ESRP1: variants seen among roughly 807,000 people sequenced by gnomAD.
The protein encoded by ESRP1 is RNA-binding motif protein 35A.
A neutral mutation model predicts 81.7 loss-of-function variants in ESRP1; 33 were observed. The ratio of observed to expected loss-of-function variants is 0.40; its 90% confidence interval spans 0.31 to 0.54. The LOEUF (loss-of-function observed/expected upper bound fraction) is 0.54. ESRP1 is among the 20% of genes least tolerant of loss of function. ESRP1 has a pLI of 0.41. For missense variants in ESRP1, 672 were observed against 833.1 expected (o/e 0.81, Z 2.38); for synonymous variants, 320 against 303.3 (o/e 1.06, Z -0.57).
In ESRP1 at chr8:94,641,742, C is replaced by A. The variant is rs1817604064; in HGVS notation, c.133-214C>A. Reference sequence around the variant, plus strand: ...GAGACGAGGTGGGGTCTCGGAGGCCCCGGGGTCCACTTCCAGGGCTTTTCC... The same window carrying A: ...GAGACGAGGTGGGGTCTCGGAGGCCACGGGGTCCACTTCCAGGGCTTTTCC... On this transcript the variant is annotated intron_variant, in intron 1 of 15. Coordinates refer to ENST00000433389, the MANE Select transcript of ESRP1 (RefSeq NM_017697.4). The A allele has an allele frequency of 3.5e-5, 27 of 769,308 alleles. No individual in the cohort carries two copies. The South Asian group carries it at 6.0e-4, about 17-fold the overall frequency. 47.7% of individuals were successfully genotyped at this position (769,308 alleles called of 1,614,324 possible).
intron 4 of ESRP1, among the ~76,000 whole-genome samples, chr8:94,650,380 AC>A (rs1333827560): frequency 6.6e-6 from 1 of 152,004 alleles, no homozygotes; most frequent in Non-Finnish European, 1.5e-5. Context: ...CCTGACAACC[AC>A]CAATCTTTAC....
chr8:94,662,233 T>C, intron 4 of ESRP1, 39 bp from the exon 5 acceptor site: 2 of 1,324,162 alleles, frequency 1.5e-6, no homozygotes, highest in East Asian at 4.9e-5. Flanking sequence ...GTAACCTGAT[T>C]TTACCTTTCC....
At chr8:94,695,348 C>CTTTTT (rs1177357708) in intron 14 of ESRP1, among the ~76,000 whole-genome samples, 2,920 of 61,142 alleles carry the variant, frequency 0.048, 50 homozygotes, top group Non-Finnish European at 0.061. Flanking sequence ...CTTTTTCTTT[C>CTTTTT]TTTTTTTTTT....
chr8:94,665,447 T>G (rs1818970805), intron 9 of ESRP1, among the ~76,000 whole-genome samples: 1 of 152,022 alleles, frequency 6.6e-6, no homozygotes, highest in Non-Finnish European at 1.5e-5. Flanking sequence ...TATACAAAGG[T>G]GAAAAGGTGA....
intron 14 of ESRP1, among the ~76,000 whole-genome samples, chr8:94,695,442 C>T (rs1809567391): frequency 7.0e-6 from 1 of 143,576 alleles, no homozygotes; most frequent in South Asian, 2.3e-4. Context: ...GCAACCTCCA[C>T]CTCCTGGGTT....
chr8:94,689,811 CTTTTTTT>C lies in ESRP1; in HGVS notation c.1821-2847_1821-2841del, dbSNP rs58359551. On this transcript the variant is annotated intron_variant, in intron 13 of 15. Transcript: ENST00000433389. ...CACAGGCATGTGCTATGATGCCTGG[CTTTTTTT>C]TTTTTTTTTTTTTTTTTTGATGGAG... is the stretch of plus-strand genomic sequence containing the variant. Among the ~76,000 whole-genome samples the C allele has an allele frequency of 7.1e-4, 46 of 64,660 alleles. 1 individual carries two copies. The South Asian group carries it at 9.7e-3, about 14-fold the overall frequency. 42.4% of individuals were successfully genotyped at this position (64,660 alleles called of 152,430 possible). A position where few individuals can be genotyped will look rare whatever the true frequency, so the allele number is the denominator to read the frequency against.
intron 15 of ESRP1, among the ~76,000 whole-genome samples, chr8:94,701,981 G>A (rs1375548108): frequency 6.6e-6 from 1 of 152,188 alleles, no homozygotes; most frequent in African/African-American, 2.4e-5. Flanking sequence ...GGGAGGCTGA[G>A]GTGGAAGGAT....
chr8:94,674,247 AC>A (rs759434108), intron 11 of ESRP1, 60 bp from the exon 12 acceptor site: 217 of 1,547,950 alleles, frequency 1.4e-4, no homozygotes, highest in Non-Finnish European at 1.7e-4. Flanking sequence ...TTTGTAAGCA[AC>A]CATTTCCTTG....
intron 13 of ESRP1, 87 bp downstream of exon 13, chr8:94,678,458 CT>C: frequency 6.8e-7 from 1 of 1,473,992 alleles, no homozygotes; most frequent in Non-Finnish European, 9.2e-7. Flanking sequence ...AGAATATTGT[CT>C]GCCATGTTGA....
At chr8:94,687,445 T>C (rs1289637456) in intron 13 of ESRP1, among the ~76,000 whole-genome samples, 1 of 152,208 alleles carries the variant, frequency 6.6e-6, no homozygotes, top group Non-Finnish European at 1.5e-5. Flanking sequence ...CTAGGGTATA[T>C]ATCTAGAAGT....
chr8:94,658,192 C>T (rs1050142940), intron 4 of ESRP1, among the ~76,000 whole-genome samples: 64 of 150,740 alleles, frequency 4.2e-4, no homozygotes, highest in African/African-American at 1.5e-3. Context: ...GGATTACAGG[C>T]GTGAGCCACC....
chr8:94,688,820 TG>T (rs1809252354), intron 13 of ESRP1, among the ~76,000 whole-genome samples: 1 of 152,216 alleles, frequency 6.6e-6, no homozygotes, highest in African/African-American at 2.4e-5. Context: ...TTTTCTTTGT[TG>T]AGTATTCTGG....
At chr8:94,671,696 C>T in intron 11 of ESRP1, 25 bp downstream of exon 11, 3 of 1,582,462 alleles carry the variant, frequency 1.9e-6, no homozygotes, top group Non-Finnish European at 2.6e-6. Flanking sequence ...TAGTGGAAAA[C>T]TTATTTGCTT....
intron 15 of ESRP1, among the ~76,000 whole-genome samples, chr8:94,702,035 GC>G (rs1361274376): frequency 2.0e-5 from 3 of 152,196 alleles, no homozygotes; most frequent in African/African-American, 4.8e-5. Flanking sequence ...CTGTCATCGT[GC>G]CACTGCCCTC....
intron 14 of ESRP1, among the ~76,000 whole-genome samples, chr8:94,695,205 G>C (rs778805734): frequency 1.3e-5 from 2 of 151,988 alleles, no homozygotes; most frequent in Non-Finnish European, 2.9e-5. Flanking sequence ...TGTTTACCTA[G>C]AGTGCATGTA....
At position 94,668,015 on chromosome 8, in the gene ESRP1, TC is replaced by T. The variant is rs1337051513; in HGVS notation, c.1001del (p.Pro334LeufsTer54). 1 of 1,613,402 alleles carries T rather than the reference TC, an allele frequency of 6.2e-7. No individual in the cohort carries two copies. Among genetic ancestry groups the T allele is most frequent in the Non-Finnish European group, 8.5e-7 (1 of 1,179,562 alleles). ...ENQVIVRMRG[L>X]PFTATAEEVV... ...CAAGTCATTGTCCGCATGCGGGGGC[TC>T]CCTTTCACGGCCACAGCTGAAGAAG... On this transcript the variant is annotated frameshift_variant, in exon 10 of 16. Transcript: ENST00000433389. LOFTEE classifies it high-confidence loss of function.
Position 94,706,617 on chromosome 8 carries a change from A to G in ESRP1, c.*728A>G, listed in dbSNP as rs1206557865. On this transcript the variant is annotated 3_prime_UTR_variant, in exon 16 of 16. Transcript: ENST00000433389. ...GAATTAGGGGCCAAAATGCAAAACG[A>G]AAAATGAAGCAGCTACATGTAGTTA... is the stretch of plus-strand genomic sequence containing the variant. 6.5e-6 allele frequency: 1 copy of G among 152,696 alleles called. No individual in the cohort carries two copies. The highest frequency in any genetic ancestry group is 6.5e-5 in the Admixed American group (1 of 15,282). 9.5% of individuals were successfully genotyped at this position (152,696 alleles called of 1,614,324 possible).
intron 13 of ESRP1, among the ~76,000 whole-genome samples, chr8:94,684,461 T>A (rs929793092): frequency 1.3e-5 from 2 of 152,128 alleles, no homozygotes; most frequent in East Asian, 3.9e-4. Flanking sequence ...AAAGTCAGTT[T>A]AAAGGTTCCC....
chr8:94,686,842 TA>T (rs1809160035), intron 13 of ESRP1, among the ~76,000 whole-genome samples: 1 of 152,218 alleles, frequency 6.6e-6, no homozygotes, highest in Non-Finnish European at 1.5e-5. Flanking sequence ...AGCTCTTTTT[TA>T]AGAACTTTTT....
Sources: gnomAD v4.1 joint callset for allele counts (sites outside exome capture counted in the v4.1 genomes callset) on GRCh38, gnomAD v4.1.1 for gene constraint, MANE v1.5 for transcripts, NCBI Gene and HGNC (gene_info 2026-07-23, HGNC 2026-07-21) for gene names.